The following TGM5 variants were observed in gnomAD, a reference collection of about 807,000 sequenced individuals.
The protein encoded by TGM5 is transglutaminase 5, also known as protein-glutamine gamma-glutamyltransferase 5.
Under a neutral mutation model 77.2 loss-of-function variants are expected in TGM5, and 69 were observed. The observed-to-expected ratio is 0.89, with a 90% confidence interval of 0.74 to 1.09. TGM5 has a LOEUF of 1.09. Ranked by LOEUF, TGM5 falls within the 50% of genes least tolerant of loss-of-function variation. The pLI, the probability that TGM5 is intolerant of heterozygous loss-of-function variation, is 0.00. For missense variants in TGM5, 842 were observed against 896.5 expected (o/e 0.94, Z 0.78); for synonymous variants, 346 against 351.8 (o/e 0.98, Z 0.18).
chr15:43,255,554 G>T (rs2042736855), intron 4 of TGM5, among the ~76,000 whole-genome samples: 1 of 152,148 alleles, frequency 6.6e-6, no homozygotes, highest in South Asian at 2.1e-4. Context: ...AGCCACCCCT[G>T]GGCCCAGGCT....
intron 5 of TGM5, 37 bp from the exon 6 acceptor site, chr15:43,252,973 C>A (rs1478344239): frequency 6.2e-7 from 1 of 1,606,608 alleles, no homozygotes; most frequent in South Asian, 1.1e-5. Context: ...TTAGAAACAT[C>A]CATTTCCTCA....
chr15:43,260,087 C>T lies in TGM5; in HGVS notation c.401G>A (p.Gly134Glu), dbSNP rs1006198612. The change falls in exon 3 of 13, where the codon GGG becomes GAG. Residue 134 changes from glycine to glutamate, a missense_variant. Physicochemically the swap from Gly to Glu is moderately conservative, Grantham distance 98. Coordinates refer to ENST00000220420, the MANE Select transcript of TGM5 (RefSeq NM_201631.4). ...FQGSVTAYQL[G>E]EFILLFNPWC... is the part of the protein sequence containing the mutation. ...GGGATTGAAAAGCAGGATGAACTCCCCTAGCTGGTAGGCCGTCACAGACCC... is the reference window on the plus strand; with the variant it reads ...GGGATTGAAAAGCAGGATGAACTCCTCTAGCTGGTAGGCCGTCACAGACCC... The T allele has an allele frequency of 1.9e-6, 3 of 1,614,010 alleles. No individual in the cohort carries two copies. Among genetic ancestry groups the T allele is most frequent in the East Asian group, 2.2e-5 (1 of 44,878 alleles).
intron 9 of TGM5, among the ~76,000 whole-genome samples, chr15:43,237,549 C>A (rs2042599275): frequency 6.9e-6 from 1 of 145,460 alleles, no homozygotes. Context: ...TTGGGACAGC[C>A]TTTTTTTTTT....
chr15:43,263,169 G>T (rs1376099297), intron 1 of TGM5, among the ~76,000 whole-genome samples: 1 of 152,116 alleles, frequency 6.6e-6, no homozygotes, highest in African/African-American at 2.4e-5. Context: ...AAAGTGCAAA[G>T]CCTATATCAC....
chr15:43,261,054 C>A (rs2042782269), intron 1 of TGM5, among the ~76,000 whole-genome samples: 1 of 134,484 alleles, frequency 7.4e-6, no homozygotes, highest in Admixed American at 7.6e-5. Context: ...GGGCTAGCTG[C>A]TCTTCCTTTT....
chr15:43,265,302 A>G (rs2042816897), intron 1 of TGM5, among the ~76,000 whole-genome samples: 2 of 152,246 alleles, frequency 1.3e-5, no homozygotes, highest in African/African-American at 4.8e-5. Context: ...TGATCAAAAA[A>G]ATGTCCACAC....
At position 43,240,912 on chromosome 15, in the gene TGM5, A is replaced by G. The variant is rs766474226; in HGVS notation, c.941T>C (p.Ile314Thr). 1.2e-5 allele frequency: 19 copies of G among 1,614,032 alleles called. No individual in the cohort carries two copies. The highest frequency in any genetic ancestry group is 1.7e-5 in the Admixed American group (1 of 59,992). The change falls in exon 7 of 13, where the codon ATA becomes ACA. Residue 314 changes from isoleucine (I) to threonine (T), a missense_variant. Transcript: ENST00000220420. ...SGHDTDGNLI[I>T]DEYYDNTGRI... ...GCCTGTGTTGTCATAATACTCATCT[A>G]TGATCAGGTTTCCATCTGTATCGTG... is the stretch of plus-strand genomic sequence containing the variant.
chr15:43,240,431 G>A (rs907955165), intron 7 of TGM5, among the ~76,000 whole-genome samples: 2 of 151,970 alleles, frequency 1.3e-5, no homozygotes, highest in Admixed American at 6.6e-5. Flanking sequence ...CATTCTGAAG[G>A]CTCCTGTATA....
chr15:43,247,256 A>C (rs2042675360), intron 6 of TGM5, among the ~76,000 whole-genome samples: 1 of 152,180 alleles, frequency 6.6e-6, no homozygotes. Flanking sequence ...AAAGGAATAA[A>C]ACAAAATCCA....
intron 1 of TGM5, among the ~76,000 whole-genome samples, chr15:43,263,351 T>G (rs943754785): frequency 1.3e-5 from 2 of 152,210 alleles, no homozygotes; most frequent in African/African-American, 2.4e-5. Context: ...ATCCTAAAAT[T>G]CATATGGAAA....
Position 43,260,505 on chromosome 15 carries a change from C to G in TGM5, c.85G>C (p.Asp29His). The stretch of plus-strand genomic sequence containing the variant: ...TGGCCCCGGCGAACAAGCAGGTGGT[C>G]CACAGTGATCTCCTCCGTGTGGTGC... ...VRHHTEEITV[D>H]HLLVRRGQAF... The change falls in exon 2 of 13, where the codon GAC (aspartate) becomes CAC (histidine). Residue 29 changes from aspartate to histidine, a missense_variant. By Grantham distance (81) the Asp-to-His change is moderately conservative (BLOSUM62 -1). Around this residue, in one of 2 missense-constraint regions of TGM5, gnomAD observed 815 missense variants for 844.6 expected, o/e 0.96. Coordinates refer to ENST00000220420, the MANE Select transcript of TGM5 (RefSeq NM_201631.4). 2 of 1,614,152 alleles carry G rather than the reference C, an allele frequency of 1.2e-6. No individual in the cohort carries two copies.
At chr15:43,266,769 C>G in intron 1 of TGM5, 71 bp downstream of exon 1, 1 of 1,586,304 alleles carries the variant, frequency 6.3e-7, no homozygotes, top group African/African-American at 1.3e-5. Flanking sequence ...ACCCTCCACC[C>G]CTTGACTTCC....
At chr15:43,248,218 C>T (rs1268177690) in intron 6 of TGM5, among the ~76,000 whole-genome samples, 1 of 152,162 alleles carries the variant, frequency 6.6e-6, no homozygotes, top group Admixed American at 6.5e-5. Flanking sequence ...TGCTCTGTCA[C>T]CCAGGCTGGA....
At chr15:43,233,834 T>C (rs2042566760) in intron 11 of TGM5, 147 bp from the exon 12 acceptor site, 5 of 986,948 alleles carry the variant, frequency 5.1e-6, no homozygotes, top group African/African-American at 3.2e-5. Flanking sequence ...CGAAGACAAT[T>C]GAGAAGAAGC....
At chr15:43,237,559 T>G (rs1430438070) in intron 9 of TGM5, among the ~76,000 whole-genome samples, 3 of 152,180 alleles carry the variant, frequency 2.0e-5, no homozygotes, top group Non-Finnish European at 4.4e-5. Context: ...CTTTTTTTTT[T>G]TTGTTTAGAA....
intron 6 of TGM5, among the ~76,000 whole-genome samples, chr15:43,242,474 C>T (rs998311924): frequency 4.6e-5 from 7 of 152,186 alleles, no homozygotes; most frequent in Non-Finnish European, 2.9e-5. Flanking sequence ...GGGACATATT[C>T]TAAGGGGTAA....
intron 4 of TGM5, 93 bp downstream of exon 4, chr15:43,256,465 AGTTAGCGTTG>A (rs2042742757): frequency 2.2e-6 from 2 of 912,360 alleles, no homozygotes; most frequent in Non-Finnish European, 3.7e-6. Context: ...CGTGCCATTT[AGTTAGCGTTG>A]GTCAGCAGTT....
intron 1 of TGM5, among the ~76,000 whole-genome samples, chr15:43,260,944 C>T (rs993880914): frequency 6.6e-6 from 1 of 152,088 alleles, no homozygotes; most frequent in Non-Finnish European, 1.5e-5. Context: ...CCCCAGCATC[C>T]GCTTTCTTGG....
At chr15:43,238,723 T>C in intron 9 of TGM5, 94 bp downstream of exon 9, 1 of 1,549,772 alleles carries the variant, frequency 6.5e-7, no homozygotes, top group South Asian at 1.2e-5. Context: ...ACAGTGGGGC[T>C]GGGTCCTGCC....
Sources: allele counts gnomAD v4.1 joint callset (sites outside exome capture counted in the v4.1 genomes callset), GRCh38; gene constraint gnomAD v4.1.1; regional missense constraint gnomAD v4.1.1; transcripts MANE v1.5; gene names NCBI Gene and HGNC (gene_info 2026-07-23, HGNC 2026-07-21).